The following EVX1 variants were observed in gnomAD, a reference collection of about 807,000 sequenced individuals.
EVX1 encodes the protein homeobox even-skipped homolog protein 1.
EVX1 carries 19 observed loss-of-function variants against 28.6 expected under a neutral mutation model. The observed-to-expected ratio is 0.67, with a 90% CI of 0.46 to 0.98. The LOEUF (loss-of-function observed/expected upper bound fraction) is 0.98, where lower values mean the gene tolerates loss of function less well. Ranked by LOEUF, EVX1 falls within the 50% of genes least tolerant of loss-of-function variation. The pLI is 0.00. For synonymous variants in EVX1, 324 were observed against 278.2 expected, an observed-to-expected ratio of 1.16 and a Z score of -1.64; for missense variants, 660 against 583.0, an observed-to-expected ratio of 1.13 and a Z score of -1.36.
chr7:27,245,332 G>T, intron 2 of EVX1, 28 bp downstream of exon 2: 1 of 1,609,466 alleles, frequency 6.2e-7, no homozygotes, highest in Non-Finnish European at 8.5e-7. Context: ...TGGGGAGGCG[G>T]GTGTGCACCT....
rs1442652377 is a variant in EVX1 at position 27,245,940 on chromosome 7, T to A, written c.739T>A (p.Trp247Arg). The change falls in exon 3 of 3, where the codon TGG (tryptophan) becomes AGG (arginine). Residue 247 changes from tryptophan to arginine, a missense_variant. Physicochemically the swap from Trp to Arg is moderately radical, Grantham distance 101. Transcript: ENST00000496902. ...KDKRQRLAMT[W>R]PHPADPAFYT... ...CAAGCGGCAGCGCCTGGCCATGACG[T>A]GGCCGCACCCGGCGGACCCCGCCTT... 5.0e-6 allele frequency: 8 copies of A among 1,610,832 alleles called. No homozygotes were observed. The highest frequency in any genetic ancestry group is 6.8e-6 in the Non-Finnish European group (8 of 1,179,800).
Position 27,246,456 on chromosome 7 carries a change from C to A in EVX1, c.*31C>A, listed in dbSNP as rs922920840. On this transcript the variant is annotated 3_prime_UTR_variant, in exon 3 of 3. Transcript: ENST00000496902. ...CGCCGGCTGGCTGCCGGCTCCATGACGCCCGTGGGGTCACCCCCCGGCCCC... is the reference window on the plus strand; with the variant it reads ...CGCCGGCTGGCTGCCGGCTCCATGAAGCCCGTGGGGTCACCCCCCGGCCCC... 2 of 1,575,544 alleles carry A rather than the reference C, an allele frequency of 1.3e-6. No homozygotes were observed.
rs749651722 is a variant in EVX1, at chr7:27,244,404, C to G, written c.428-644C>G. On this transcript the variant is annotated intron_variant, in intron 1 of 2. Transcript: ENST00000496902. ...GAGAAAGACCACCCCCTGGTCTTGG[C>G]AGCCAACGCCTTGTTGAATACCTGC... 43 of 755,638 alleles carry G rather than the reference C, an allele frequency of 5.7e-5. 1 individual carries two copies. Among genetic ancestry groups the G allele is most frequent in the Non-Finnish European group, 6.8e-5 (42 of 619,382 alleles). 46.8% of individuals were successfully genotyped at this position (755,638 alleles called of 1,614,324 possible).
Position 27,243,430 on chromosome 7 carries a change from G to T in EVX1, c.400G>T (p.Gly134Trp). 6.2e-7 allele frequency: 1 copy of T among 1,607,374 alleles called. No homozygotes were observed. ...EVSCTPDCAT[G>W]NAEYQHSKGS... The stretch of plus-strand genomic sequence containing the variant: ...GAGCTGCACCCCGGACTGCGCCACC[G>T]GGAACGCCGAGTACCAGCACAGCAA... Residue 134 changes from glycine to tryptophan, a missense_variant, in exon 1 of 3, where the codon GGG becomes TGG. This residue lies in a region of EVX1 where 308 missense variants were observed against 256.6 expected (regional missense o/e 1.20). Transcript: ENST00000496902.
intron 2 of EVX1, 137 bp downstream of exon 2, chr7:27,245,441 G>A (rs1405415278): frequency 3.1e-6 from 4 of 1,279,784 alleles, no homozygotes; most frequent in African/African-American, 1.5e-5. Context: ...ATTGACCCTC[G>A]TGACAGCTCC....
rs374970574 is a variant in EVX1 at position 27,245,888 on chromosome 7, G to T, written c.687G>T (p.Val229=). ...ALNLPETTIK[V]WFQNRRMKDK... is the part of the protein sequence containing the mutation. ...ACCTGCTCCGCTCCTCTCCCCAGGT[G>T]TGGTTCCAGAACCGGCGCATGAAGG... The change falls in exon 3 of 3, where the codon GTG becomes GTT. Residue 229 remains valine (V), a splice_region_variant and synonymous_variant. Transcript: ENST00000496902. 2.5e-6 allele frequency: 4 copies of T among 1,611,402 alleles called. No individual in the cohort carries two copies. The highest frequency in any genetic ancestry group is 3.4e-6 in the Non-Finnish European group (4 of 1,179,608).
chr7:27,246,227 T>C lies in EVX1; in HGVS notation c.1026T>C (p.Ser342=). The part of the protein sequence containing the change: ...YPGPAHGLGA[S]AGGPCSCLAC... ...GGCCCGCGCACGGACTGGGCGCCTC[T>C]GCCGGCGGCCCCTGCTCCTGCCTCG... The change falls in exon 3 of 3, where the codon TCT becomes TCC. Residue 342 remains serine (S), a synonymous_variant. Transcript: ENST00000496902. 1.3e-6 allele frequency: 2 copies of C among 1,517,426 alleles called. No homozygotes were observed. The highest frequency in any genetic ancestry group is 1.8e-6 in the Non-Finnish European group (2 of 1,141,472). 94.0% of individuals were successfully genotyped at this position (1,517,426 alleles called of 1,614,324 possible). A position where few individuals can be genotyped will look rare whatever the true frequency, so the allele number is the denominator to read the frequency against.
Position 27,245,973 on chromosome 7 carries a change from T to A in EVX1, c.772T>A (p.Tyr258Asn), listed in dbSNP as rs1217544865. The A allele has an allele frequency of 6.2e-7, 1 of 1,607,116 alleles. No homozygotes were observed. The highest frequency in any genetic ancestry group is 8.5e-7 in the Non-Finnish European group (1 of 1,179,778). ...CCCGGCGGACCCCGCCTTCTACACT[T>A]ACATGATGAGCCATGCGGCGGCCGC... ...PHPADPAFYTYMMSHAAAAGG... is the reference protein window; with the variant it reads ...PHPADPAFYTNMMSHAAAAGG... The change falls in exon 3 of 3, where the codon TAC (tyrosine) becomes AAC (asparagine). Residue 258 changes from tyrosine to asparagine, a missense_variant. Coordinates refer to ENST00000496902, the MANE Select transcript of EVX1 (RefSeq NM_001989.5).
Position 27,246,648 on chromosome 7 carries a change from C to T in EVX1, c.*223C>T. ...GGGAGCAGGAGTGGGGATAGGGAAG[C>T]AGAGCTTGAGAGACCTTCCTCCGGG... On this transcript the variant is annotated 3_prime_UTR_variant, in exon 3 of 3. Coordinates refer to ENST00000496902, the MANE Select transcript of EVX1 (RefSeq NM_001989.5). The T allele has an allele frequency of 1.8e-6, 1 of 564,378 alleles. No homozygotes were observed. Among genetic ancestry groups the T allele is most frequent in the Non-Finnish European group, 3.0e-6 (1 of 329,670 alleles). The allele number at this position is 564,378 out of a possible 1,614,324, so 35.0% of individuals were successfully genotyped here.
chr7:27,244,366 T>TGC (rs1783111040), intron 1 of EVX1: 1 of 307,012 alleles, frequency 3.3e-6, no homozygotes. Context: ...GGAAAGAGCC[T>TGC]GGGGGCGGGG....
rs1783158506 is a variant in EVX1, at chr7:27,245,902, G to C, written c.701G>C (p.Arg234Pro). 3 of 1,611,790 alleles carry C rather than the reference G, an allele frequency of 1.9e-6. No homozygotes were observed. The highest frequency in any genetic ancestry group is 1.7e-6 in the Non-Finnish European group (2 of 1,179,802). Residue 234 changes from arginine (R) to proline (P), a missense_variant, in exon 3 of 3, where the codon CGG becomes CCG. Arg to Pro is a moderately radical substitution (Grantham distance 103, BLOSUM62 -2). Around this residue, in one of 3 missense-constraint regions of EVX1, gnomAD observed 53 missense variants for 85.1 expected, o/e 0.62. Transcript: ENST00000496902. ...TCTCCCCAGGTGTGGTTCCAGAACC[G>C]GCGCATGAAGGACAAGCGGCAGCGC... Reference protein sequence around the residue: ...ETTIKVWFQNRRMKDKRQRLA... With the variant: ...ETTIKVWFQNPRMKDKRQRLA...
At chr7:27,243,586 C>T in intron 1 of EVX1, 129 bp downstream of exon 1, 1 of 985,554 alleles carries the variant, frequency 1.0e-6, no homozygotes, top group Non-Finnish European at 1.4e-6. Context: ...GAGCAACTCT[C>T]TCTGCTATCT....
Position 27,246,168 on chromosome 7 carries a change from C to T in EVX1, c.967C>T (p.Leu323=), listed in dbSNP as rs1301429811. Residue 323 remains leucine (L), a synonymous_variant, in exon 3 of 3, where the codon CTG becomes TTG. Transcript: ENST00000496902. ...GCAGCCCTACCCGCGGCCCGAACTG[C>T]TGTGCGCCTTCCGCCACCCGCCGCT... ...LSQPYPRPEL[L]CAFRHPPLYP... 1 of 1,494,590 alleles carries T rather than the reference C, an allele frequency of 6.7e-7. No individual in the cohort carries two copies. The highest frequency in any genetic ancestry group is 8.8e-7 in the Non-Finnish European group (1 of 1,132,104). The allele number at this position is 1,494,590 out of a possible 1,614,324, so 92.6% of individuals were successfully genotyped here.
intron 1 of EVX1, among the ~76,000 whole-genome samples, chr7:27,244,830 C>T (rs1783126951): frequency 1.3e-5 from 2 of 152,292 alleles, no homozygotes; most frequent in East Asian, 1.9e-4. Flanking sequence ...GAAGGGAAGG[C>T]CTCCCCAAAG....
In EVX1 at chr7:27,246,230, C is replaced by T. The variant is rs778209079; in HGVS notation, c.1029C>T (p.Ala343=). The T allele has an allele frequency of 6.3e-4, 950 of 1,519,108 alleles. 1 individual carries two copies. Among genetic ancestry groups the T allele is most frequent in the Non-Finnish European group, 7.7e-4 (882 of 1,142,216 alleles). 94.1% of individuals were successfully genotyped at this position (1,519,108 alleles called of 1,614,324 possible). A position where few individuals can be genotyped will look rare whatever the true frequency, so the allele number is the denominator to read the frequency against. Residue 343 remains alanine (A), a synonymous_variant, in exon 3 of 3, where the codon GCC becomes GCT. Transcript: ENST00000496902. ...CCGCGCACGGACTGGGCGCCTCTGC[C>T]GGCGGCCCCTGCTCCTGCCTCGCCT... ...PGPAHGLGAS[A]GGPCSCLACH...
In EVX1 at chr7:27,247,490, C is replaced by T. The variant is rs907325116; in HGVS notation, c.*1065C>T. Reference sequence around the variant, plus strand: ...CCTACCCTTTGCATTGGGTATTTTACAACTTTCTCTCATTTTCTTCCCAAG... The same window carrying T: ...CCTACCCTTTGCATTGGGTATTTTATAACTTTCTCTCATTTTCTTCCCAAG... On this transcript the variant is annotated 3_prime_UTR_variant, in exon 3 of 3. Transcript: ENST00000496902. 6.6e-6 allele frequency: 1 copy of T among 152,174 alleles called. No homozygotes were observed. The highest frequency in any genetic ancestry group is 6.5e-5 in the Admixed American group (1 of 15,278). The allele number at this position is 152,174 out of a possible 1,614,324, so 9.4% of individuals were successfully genotyped here.
intron 1 of EVX1, among the ~76,000 whole-genome samples, chr7:27,244,292 T>G (rs1401136492): frequency 1.4e-5 from 2 of 138,022 alleles, no homozygotes; most frequent in African/African-American, 5.8e-5. Context: ...GGGCGCGGGT[T>G]GGTGGGGGGG....
Position 27,245,978 on chromosome 7 carries a change from G to A in EVX1, c.777G>A (p.Met259Ile), listed in dbSNP as rs1783164331. 1 of 1,605,966 alleles carries A rather than the reference G, an allele frequency of 6.2e-7. No homozygotes were observed. The highest frequency in any genetic ancestry group is 2.2e-5 in the East Asian group (1 of 44,822). ...HPADPAFYTY[M>I]MSHAAAAGGL... ...CGGACCCCGCCTTCTACACTTACAT[G>A]ATGAGCCATGCGGCGGCCGCGGGCG... The change falls in exon 3 of 3, where the codon ATG (methionine) becomes ATA (isoleucine). Residue 259 changes from methionine to isoleucine, a missense_variant. Met to Ile is a conservative substitution (Grantham distance 10). Coordinates refer to ENST00000496902, the MANE Select transcript of EVX1 (RefSeq NM_001989.5).
rs1783071044 is a variant in EVX1 at position 27,243,188 on chromosome 7, T to C, written c.158T>C (p.Val53Ala). 6.4e-7 allele frequency: 1 copy of C among 1,566,456 alleles called. No homozygotes were observed. The highest frequency in any genetic ancestry group is 1.4e-5 in the African/African-American group (1 of 73,828). ...CGTGGTTGCCTGAGCCCTCGGGCCG[T>C]CCCTCCGGCCACCCGGGAGCGCGGC... Reference protein sequence around the residue: ...VPRGCLSPRAVPPATRERGGG... With the variant: ...VPRGCLSPRAAPPATRERGGG... The change falls in exon 1 of 3, where the codon GTC becomes GCC. Residue 53 changes from valine to alanine, a missense_variant. By Grantham distance (64) the Val-to-Ala change is moderately conservative (BLOSUM62 0). Transcript: ENST00000496902.
Sources: gnomAD v4.1 joint callset for allele counts (sites outside exome capture counted in the v4.1 genomes callset) on GRCh38, gnomAD v4.1.1 for gene constraint, gnomAD v4.1.1 regional missense constraint, MANE v1.5 for transcripts, NCBI Gene and HGNC (gene_info 2026-07-23, HGNC 2026-07-21) for gene names.